PEBP4: variants seen among roughly 807,000 people sequenced by gnomAD.
PEBP4 encodes the protein phosphatidylethanolamine binding protein 4.
A neutral mutation model predicts 23.9 loss-of-function variants in PEBP4; 22 were observed. That is an observed-to-expected ratio of 0.92 (90% confidence interval 0.66 to 1.31). The LOEUF is 1.31. Among genes scored for constraint, PEBP4 ranks in the 40% most tolerant of loss-of-function variants. The pLI, the probability that PEBP4 is intolerant of heterozygous loss-of-function variation, is 0.00. For synonymous variants in PEBP4, 112 were observed against 99.3 expected (o/e 1.13, Z -0.76); for missense variants, 324 against 281.7 (o/e 1.15, Z -1.07).
chr8:22,713,392 T>G lies in PEBP4; in HGVS notation c.662A>C (p.Gln221Pro), dbSNP rs79936857. 41,088 of 1,588,072 alleles carry G rather than the reference T, an allele frequency of 0.026. 1,894 individuals carry two copies. The highest frequency in any genetic ancestry group is 0.22 in the African/African-American group (15,390 of 71,512). ...ERASEPKHKN[Q>P]AEIAAC ...TATCTAGCAGGCAGCTATCTCCGCCTGGTTTTTGTGCTTGGGCTCGCTGGC... is the reference window on the plus strand; with the variant it reads ...TATCTAGCAGGCAGCTATCTCCGCCGGGTTTTTGTGCTTGGGCTCGCTGGC... Residue 221 changes from glutamine to proline, a missense_variant, in exon 7 of 7, where the codon CAG (glutamine) becomes CCG (proline). Transcript: ENST00000256404.
At chr8:22,770,421 C>T (rs1019711040) in intron 4 of PEBP4, among the ~76,000 whole-genome samples, 1 of 152,250 alleles carries the variant, frequency 6.6e-6, no homozygotes, top group African/African-American at 2.4e-5. Context: ...GTGTTCGATG[C>T]CCCTCTGGCC....
intron 4 of PEBP4, among the ~76,000 whole-genome samples, chr8:22,756,746 G>C (rs1376210688): frequency 5.3e-5 from 8 of 152,190 alleles, no homozygotes; most frequent in Admixed American, 2.6e-4. Flanking sequence ...TTGCTGGCAG[G>C]CTGGGAATTT....
chr8:22,798,112 G>A (rs951836235), intron 4 of PEBP4, among the ~76,000 whole-genome samples: 1 of 152,186 alleles, frequency 6.6e-6, no homozygotes. Flanking sequence ...CATCCCGAAT[G>A]AGGGGGATTT....
chr8:22,745,358 C>A (rs1585249448), intron 4 of PEBP4, among the ~76,000 whole-genome samples: 1 of 152,130 alleles, frequency 6.6e-6, no homozygotes, highest in African/African-American at 2.4e-5. Context: ...GGGGAGTGAG[C>A]CCTGCAGGGA....
intron 4 of PEBP4, among the ~76,000 whole-genome samples, chr8:22,742,505 G>A (rs1056787619): frequency 3.9e-5 from 6 of 152,204 alleles, no homozygotes; most frequent in Non-Finnish European, 8.8e-5. Flanking sequence ...GCTGGACTTT[G>A]TCACTGGGTG....
chr8:22,897,552 A>G (rs963606511), intron 3 of PEBP4, among the ~76,000 whole-genome samples: 1 of 152,236 alleles, frequency 6.6e-6, no homozygotes, highest in Admixed American at 6.5e-5. Context: ...TTCAAACCTT[A>G]CAACAAACCT....
intron 3 of PEBP4, among the ~76,000 whole-genome samples, chr8:22,848,698 TTAGTAGTAGC>T (rs1333728060): frequency 1.3e-5 from 2 of 152,080 alleles, no homozygotes; most frequent in Admixed American, 1.3e-4. Context: ...CACAGGACTC[TTAGTAGTAGC>T]TGTGGCAAGG....
rs146179279 is a variant in PEBP4, at chr8:22,889,010, C to T, written c.258+31174G>A. On this transcript the variant is annotated intron_variant, in intron 3 of 6. Coordinates refer to ENST00000256404, the MANE Select transcript of PEBP4 (RefSeq NM_144962.3). ...ATGTGATTTAACCACTGAGAAGTAC[C>T]TCTCATAGTTTATTCAAAAGTATGT... Among the ~76,000 whole-genome samples, 251 of 152,362 alleles carry T rather than the reference C, an allele frequency of 1.6e-3. 2 individuals are homozygous for T. The highest frequency in any genetic ancestry group is 6.8e-3 in the Middle Eastern group (2 of 294).
chr8:22,814,765 T>C (rs1806702235), intron 4 of PEBP4, among the ~76,000 whole-genome samples: 2 of 152,138 alleles, frequency 1.3e-5, no homozygotes, highest in Non-Finnish European at 2.9e-5. Flanking sequence ...GGGTGTAGTA[T>C]TATGGGGTCC....
chr8:22,918,995 C>T (rs570488969), intron 3 of PEBP4, among the ~76,000 whole-genome samples: 10 of 152,166 alleles, frequency 6.6e-5, no homozygotes, highest in African/African-American at 1.4e-4. Context: ...GGGTGTTTGT[C>T]GTGTTTGCAA....
upstream of PEBP4, among the ~76,000 whole-genome samples, chr8:22,931,061 C>A (rs1422863932): frequency 6.6e-6 from 1 of 152,168 alleles, no homozygotes; most frequent in Non-Finnish European, 1.5e-5. Context: ...TCCAGGCCTC[C>A]TGTGCCTGAC....
intron 1 of PEBP4, among the ~76,000 whole-genome samples, chr8:22,937,798 ATGTGTGTGTGTG>A (rs55794481): frequency 6.6e-6 from 1 of 150,410 alleles, no homozygotes; most frequent in East Asian, 2.0e-4. Flanking sequence ...ATGTGTATGT[ATGTGTGTGTGTG>A]TGTGTGTGTG....
chr8:22,856,830 G>T (rs976856313), intron 3 of PEBP4, among the ~76,000 whole-genome samples: 1 of 151,996 alleles, frequency 6.6e-6, no homozygotes, highest in Non-Finnish European at 1.5e-5. Flanking sequence ...TAAAAATAAA[G>T]TCAAAGATTT....
At chr8:22,848,177 A>G (rs1373049962) in intron 3 of PEBP4, among the ~76,000 whole-genome samples, 1 of 152,172 alleles carries the variant, frequency 6.6e-6, no homozygotes, top group East Asian at 1.9e-4. Flanking sequence ...CTATGGTGCT[A>G]TTAAAGAGCT....
intron 6 of PEBP4, among the ~76,000 whole-genome samples, chr8:22,716,145 G>GCCTGTCTCATGAGCCA (rs1480057888): frequency 6.6e-6 from 1 of 152,182 alleles, no homozygotes; most frequent in African/African-American, 2.4e-5. Flanking sequence ...GCTGTCTGAT[G>GCCTGTCTCATGAGCCA]CCTGTCTCAT....
In PEBP4 at chr8:22,731,760, G is replaced by A. The variant is rs556059641; in HGVS notation, c.358-4540C>T. Among the ~76,000 whole-genome samples, 460 of 151,834 alleles carry A rather than the reference G, an allele frequency of 3.0e-3. 1 individual carries two copies. Among genetic ancestry groups the A allele is most frequent in the African/African-American group, 0.01 (429 of 41,420 alleles). ...TGCAACCTCTGCCTCCCGGGTTCAT[G>A]CCATTCTCCTGCCTCAGCCTCCCGA... On this transcript the variant is annotated intron_variant, in intron 4 of 6. Transcript: ENST00000256404.
intron 6 of PEBP4, 120 bp from the exon 7 acceptor site, chr8:22,713,656 A>T (rs1335458671): frequency 7.1e-7 from 1 of 1,408,722 alleles, no homozygotes; most frequent in Non-Finnish European, 9.8e-7. Flanking sequence ...TGCGATGGCC[A>T]TGGGGCGTAG....
intron 4 of PEBP4, among the ~76,000 whole-genome samples, chr8:22,772,236 C>A (rs1805730106): frequency 6.6e-6 from 1 of 152,216 alleles, no homozygotes; most frequent in Non-Finnish European, 1.5e-5. Flanking sequence ...TAAGTAACTT[C>A]TCCAGGGTTG....
At chr8:22,749,344 T>C (rs765029912) in intron 4 of PEBP4, among the ~76,000 whole-genome samples, 1 of 152,184 alleles carries the variant, frequency 6.6e-6, no homozygotes, top group Non-Finnish European at 1.5e-5. Flanking sequence ...CTCTTCTTGT[T>C]TTAGCTCCGT....
Sources: allele counts gnomAD v4.1 joint callset (sites outside exome capture counted in the v4.1 genomes callset), GRCh38; gene constraint gnomAD v4.1.1; transcripts MANE v1.5; gene names NCBI Gene and HGNC (gene_info 2026-07-23, HGNC 2026-07-21).